The following PACSIN2 variants were observed in gnomAD, a reference collection of about 807,000 sequenced individuals.
PACSIN2 encodes protein kinase C and casein kinase substrate in neurons protein 2.
Under a neutral mutation model 63.8 loss-of-function variants are expected in PACSIN2, and 25 were observed. The ratio of observed to expected loss-of-function variants is 0.39; its 90% CI spans 0.29 to 0.55. The LOEUF (loss-of-function observed/expected upper bound fraction) is 0.55, where lower values mean the gene tolerates loss of function less well. Ranked by LOEUF, PACSIN2 falls within the 20% of genes least tolerant of loss-of-function variation. The probability of loss-of-function intolerance (pLI) is 0.62; values close to 1 mark genes in which losing one functional copy is unlikely to be tolerated. For missense variants in PACSIN2, 518 were observed against 646.9 expected (o/e 0.80, Z 2.16); for synonymous variants, 255 against 256.2 (o/e 1.00, Z 0.05).
At chr22:42,977,326 T>C (rs187605374) in intron 1 of PACSIN2, among the ~76,000 whole-genome samples, 18 of 151,990 alleles carry the variant, frequency 1.2e-4, no homozygotes, top group African/African-American at 3.4e-4. Flanking sequence ...AAAGAGTTCC[T>C]AAAAATTCAA....
chr22:42,924,750 GT>G (rs990060980), intron 1 of PACSIN2, among the ~76,000 whole-genome samples: 15 of 150,594 alleles, frequency 1.0e-4, no homozygotes, highest in Admixed American at 1.3e-4. Context: ...CCCCAGTGAG[GT>G]TTTTTTTCTT....
chr22:42,982,889 AAC>A (rs1491250167), intron 1 of PACSIN2, among the ~76,000 whole-genome samples: 4 of 119,836 alleles, frequency 3.3e-5, no homozygotes, highest in African/African-American at 9.4e-5. Context: ...AAAAAAAAAA[AAC>A]AACAACAAGG....
At position 42,998,873 on chromosome 22, in the gene PACSIN2, G is replaced by A. The variant is rs1376021320; in HGVS notation, c.-78+16148C>T. Among the ~76,000 whole-genome samples, 5 of 152,158 alleles carry A rather than the reference G, an allele frequency of 3.3e-5. No individual in the cohort carries two copies. In the East Asian group the frequency reaches 9.6e-4, roughly 29 times the overall value. On this transcript the variant is annotated intron_variant, in intron 1 of 10. Coordinates refer to ENST00000263246, the MANE Select transcript of PACSIN2 (RefSeq NM_001184970.3). ...CAGAGGAGAGAAGAGAGGAAGTCGA[G>A]AGGAGTTGAGCTGGGGGCAGTTGAA...
At chr22:42,909,168 C>T (rs577390731) in intron 2 of PACSIN2, among the ~76,000 whole-genome samples, 22 of 152,266 alleles carry the variant, frequency 1.4e-4, no homozygotes, top group African/African-American at 4.6e-4. Flanking sequence ...TCCTGCCCTT[C>T]CCCCTGGGCA....
rs751447604 is a variant in PACSIN2 at position 42,893,578 on chromosome 22, G to A, written c.96C>T (p.Asp32=). Residue 32 remains aspartate, a synonymous_variant, in exon 3 of 11, where the codon GAC becomes GAT. Coordinates refer to ENST00000263246, the MANE Select transcript of PACSIN2 (RefSeq NM_001184970.3). Reference sequence around the variant, plus strand: ...GGTCGCTGCACAGGCGGTGGCCATCGTCGATCCGCTTCACAGTCCGCTTGT... The same window carrying A: ...GGTCGCTGCACAGGCGGTGGCCATCATCGATCCGCTTCACAGTCCGCTTGT... ...GNYKRTVKRI[D]DGHRLCSDLM... is the part of the protein sequence containing the mutation. The A allele has an allele frequency of 9.3e-6, 15 of 1,614,124 alleles. No homozygotes were observed. Among genetic ancestry groups the A allele is most frequent in the South Asian group, 6.6e-5 (6 of 91,078 alleles).
chr22:42,889,714 C>T (rs564923912), intron 4 of PACSIN2, among the ~76,000 whole-genome samples: 1 of 151,720 alleles, frequency 6.6e-6, no homozygotes, highest in East Asian at 1.9e-4. Context: ...GAATGGGGGG[C>T]GAGGCTGCAG....
In PACSIN2 at chr22:42,878,631, C is replaced by A. The variant is rs114985150; in HGVS notation, c.1028+417G>T. 8.6e-3 allele frequency among the ~76,000 whole-genome samples: 1,307 copies of A among 152,338 alleles called. 18 individuals are homozygous for A. Among genetic ancestry groups the A allele is most frequent in the African/African-American group, 0.03 (1,263 of 41,568 alleles). On this transcript the variant is annotated intron_variant, in intron 8 of 10. Transcript: ENST00000263246. Reference sequence around the variant, plus strand: ...CCCTCCCTCGACTGGCGCCTGCACACAATACAGAGTGAGCATGAACCTCGG... The same window carrying A: ...CCCTCCCTCGACTGGCGCCTGCACAAAATACAGAGTGAGCATGAACCTCGG...
intron 1 of PACSIN2, among the ~76,000 whole-genome samples, chr22:43,007,471 T>A (rs1223502494): frequency 6.6e-6 from 1 of 152,104 alleles, no homozygotes; most frequent in Non-Finnish European, 1.5e-5. Context: ...CCACCTCAGC[T>A]TCCCAAAGTG....
At chr22:42,924,440 T>A (rs1186143753) in intron 1 of PACSIN2, among the ~76,000 whole-genome samples, 2 of 152,216 alleles carry the variant, frequency 1.3e-5, no homozygotes, top group African/African-American at 4.8e-5. Flanking sequence ...TATTTAACAA[T>A]CTGACTTCAG....
intron 1 of PACSIN2, among the ~76,000 whole-genome samples, chr22:42,976,102 A>T (rs1921685436): frequency 6.6e-6 from 1 of 152,144 alleles, no homozygotes; most frequent in Non-Finnish European, 1.5e-5. Flanking sequence ...CTTATTTTGC[A>T]TGTAGGAGAG....
At chr22:42,975,619 TTTCCC>T in intron 1 of PACSIN2, among the ~76,000 whole-genome samples, 1 of 148,892 alleles carries the variant, frequency 6.7e-6, no homozygotes, top group Admixed American at 6.7e-5. Flanking sequence ...TTCTTTTTTT[TTTCCC>T]TTTTTCTAAC....
At chr22:42,996,219 C>CAA (rs35321753) in intron 1 of PACSIN2, among the ~76,000 whole-genome samples, 26 of 146,596 alleles carry the variant, frequency 1.8e-4, no homozygotes, top group Middle Eastern at 3.7e-3. Context: ...GACTCCGTCT[C>CAA]AAAAAAAAAA....
At chr22:42,989,671 G>A (rs937799429) in intron 1 of PACSIN2, among the ~76,000 whole-genome samples, 16 of 152,044 alleles carry the variant, frequency 1.1e-4, no homozygotes, top group African/African-American at 3.6e-4. Context: ...GGTGGTGGGT[G>A]CCTGTAGTCC....
intron 1 of PACSIN2, among the ~76,000 whole-genome samples, chr22:42,948,794 G>A (rs1933547048): frequency 6.6e-6 from 1 of 152,200 alleles, no homozygotes; most frequent in African/African-American, 2.4e-5. Flanking sequence ...GCACTCTACT[G>A]TAGAGAAGAA....
intron 1 of PACSIN2, among the ~76,000 whole-genome samples, chr22:42,973,352 G>A (rs559567727): frequency 2.6e-5 from 4 of 152,320 alleles, no homozygotes; most frequent in Admixed American, 2.6e-4. Flanking sequence ...CACTTGCTCA[G>A]GAATTGACGA....
intron 1 of PACSIN2, among the ~76,000 whole-genome samples, chr22:43,011,741 G>A: frequency 6.6e-6 from 1 of 152,164 alleles, no homozygotes; most frequent in East Asian, 1.9e-4. Flanking sequence ...ACCAGGCAAG[G>A]TGGCAGGCGC....
chr22:42,895,531 A>T (rs917720462), intron 2 of PACSIN2, among the ~76,000 whole-genome samples: 14 of 152,234 alleles, frequency 9.2e-5, no homozygotes, highest in African/African-American at 3.4e-4. Context: ...CACTGGTTAA[A>T]GGTTTAGGGA....
chr22:42,876,399 C>T (rs1026176141), intron 9 of PACSIN2, 66 bp from the exon 10 acceptor site: 203 of 1,421,822 alleles, frequency 1.4e-4, no homozygotes, highest in Non-Finnish European at 1.8e-4. Context: ...GCCCCCGCCC[C>T]GCAAGGGGAG....
intron 6 of PACSIN2, among the ~76,000 whole-genome samples, chr22:42,882,597 C>T (rs1929166637): frequency 6.6e-6 from 1 of 152,238 alleles, no homozygotes; most frequent in Non-Finnish European, 1.5e-5. Flanking sequence ...TGTGGGCCAC[C>T]ACTCTGTGTG....
Sources: gnomAD v4.1 joint callset for allele counts (sites outside exome capture counted in the v4.1 genomes callset) on GRCh38, gnomAD v4.1.1 for gene constraint, MANE v1.5 for transcripts, NCBI Gene and HGNC (gene_info 2026-07-23, HGNC 2026-07-21) for gene names.